The following TDRKH variants were observed in gnomAD, a reference collection of about 807,000 sequenced individuals.
The protein encoded by TDRKH is tudor and KH domain containing, also known as tudor and KH domain-containing protein.
TDRKH carries 28 observed loss-of-function variants against 61.3 expected under a neutral mutation model. The observed-to-expected ratio is 0.46, with a 90% CI of 0.34 to 0.63. The LOEUF (loss-of-function observed/expected upper bound fraction) is 0.63. Among genes scored for constraint, TDRKH ranks in the 20% least tolerant of loss-of-function variants. The pLI, the probability that TDRKH is intolerant of heterozygous loss-of-function variation, is 0.01. For missense variants in TDRKH, 540 were observed against 683.4 expected, an observed-to-expected ratio of 0.79 and a Z score of 2.34; for synonymous variants, 219 against 244.4, an observed-to-expected ratio of 0.90 and a Z score of 0.97.
chr1:151,770,484 G>C (rs1781424), downstream of TDRKH: 94 of 503,504 alleles, frequency 1.9e-4, 1 homozygote, highest in Middle Eastern at 1.1e-3. Flanking sequence ...CAGACTGAAG[G>C]AGCACTGGTG....
chr1:151,776,300 G>T (rs1416781980), intron 7 of TDRKH, 32 bp from the exon 8 acceptor site: 1 of 1,607,446 alleles, frequency 6.2e-7, no homozygotes, highest in Admixed American at 1.7e-5. Flanking sequence ...AAGGCAGAGA[G>T]TTACAAAGTG....
chr1:151,774,649 A>G (rs1486876987), intron 12 of TDRKH, 61 bp downstream of exon 12: 20 of 1,601,460 alleles, frequency 1.2e-5, no homozygotes, highest in Non-Finnish European at 1.7e-5. Context: ...CCTACTCTGG[A>G]AAGACTGAAT....
chr1:151,768,296 G>A, downstream of TDRKH: 1 of 1,550,352 alleles, frequency 6.5e-7, no homozygotes, highest in South Asian at 1.2e-5. Flanking sequence ...CTTCTATCAT[G>A]TCATAGTACA....
At chr1:151,788,641 A>G (rs1650580408) in intron 1 of TDRKH, among the ~76,000 whole-genome samples, 1 of 152,240 alleles carries the variant, frequency 6.6e-6, no homozygotes, top group South Asian at 2.1e-4. Flanking sequence ...ATAGAAAAGG[A>G]TTGATCTAAG....
In TDRKH at chr1:151,779,222, G is replaced by A. The variant is rs1004423330; in HGVS notation, c.442C>T (p.Arg148Cys). 1.2e-6 allele frequency: 2 copies of A among 1,614,044 alleles called. No individual in the cohort carries two copies. Among genetic ancestry groups the A allele is most frequent in the Admixed American group, 1.7e-5 (1 of 59,978 alleles). ...GCTCCAGATGCCTTACAGATAGAACGAATTGTCTCGCCGCCTCTCCCTACA... is the reference window on the plus strand; with the variant it reads ...GCTCCAGATGCCTTACAGATAGAACAAATTGTCTCGCCGCCTCTCCCTACA... ...RIIGRGGETI[R>C]SICKASGAKI... is the part of the protein sequence containing the mutation. The change falls in exon 5 of 13, where the codon CGT becomes TGT. Residue 148 changes from arginine (R) to cysteine (C), a missense_variant. Arg to Cys is a radical substitution (Grantham distance 180). Coordinates refer to ENST00000368824, the MANE Select transcript of TDRKH (RefSeq NM_001083965.2).
chr1:151,781,217 T>G (rs1649733728), intron 3 of TDRKH, among the ~76,000 whole-genome samples: 1 of 150,372 alleles, frequency 6.7e-6, no homozygotes, highest in Non-Finnish European at 1.5e-5. Context: ...CTCGGGAGGC[T>G]GAGGCAGGAG....
At chr1:151,775,215 C>A (rs762596831) in intron 10 of TDRKH, 49 bp from the exon 11 acceptor site, 15 of 1,601,024 alleles carry the variant, frequency 9.4e-6, no homozygotes, top group Admixed American at 6.7e-5. Context: ...TAAGCAAGGG[C>A]AAATTTGAGG....
At chr1:151,787,808 C>CA (rs71093211) in intron 1 of TDRKH, among the ~76,000 whole-genome samples, 970 of 50,594 alleles carry the variant, frequency 0.019, 37 homozygotes, top group South Asian at 0.049. Context: ...TCTGTTTCTA[C>CA]AAAAAAAAAA....
rs920637172 is a variant in TDRKH, at chr1:151,773,965, C to T, written c.*487G>A. ...AGCCTAGTAGTAATGTGAATCATGA[C>T]TGGTAGAGGGGACTGAGCCTGACGT... is the stretch of plus-strand genomic sequence containing the variant. On this transcript the variant is annotated 3_prime_UTR_variant, in exon 13 of 13. Transcript: ENST00000368824. The T allele has an allele frequency of 6.4e-6, 1 of 155,540 alleles. No individual in the cohort carries two copies. Among genetic ancestry groups the T allele is most frequent in the Admixed American group, 6.4e-5 (1 of 15,746 alleles). 9.6% of individuals were successfully genotyped at this position (155,540 alleles called of 1,614,324 possible). A position where few individuals can be genotyped will look rare whatever the true frequency, so the allele number is the denominator to read the frequency against.
chr1:151,771,847 C>T (rs1428056702), downstream of TDRKH: 3 of 398,310 alleles, frequency 7.5e-6, no homozygotes, highest in Non-Finnish European at 1.3e-5. Context: ...AAGAATGAGA[C>T]ATTACTCATT....
intron 3 of TDRKH, 98 bp from the exon 4 acceptor site, chr1:151,780,238 TAG>T: frequency 7.8e-7 from 1 of 1,275,500 alleles, no homozygotes; most frequent in Admixed American, 2.2e-5. Flanking sequence ...TAGATAGAAT[TAG>T]CCAAAGGAAT....
downstream of TDRKH, chr1:151,770,688 G>C (rs1648652370): frequency 1.7e-5 from 4 of 237,772 alleles, no homozygotes; most frequent in Non-Finnish European, 3.2e-5. Flanking sequence ...TTGGATATAA[G>C]GGATGGTGAA....
intron 3 of TDRKH, 65 bp from the exon 4 acceptor site, chr1:151,780,205 C>T (rs2101600019): frequency 6.5e-7 from 1 of 1,531,798 alleles, no homozygotes; most frequent in Non-Finnish European, 8.9e-7. Flanking sequence ...CAGCTACAGA[C>T]ACTCTAAAAC....
At chr1:151,772,937 C>T (rs1648812047), downstream of TDRKH, among the ~76,000 whole-genome samples, 1 of 152,306 alleles carries the variant, frequency 6.6e-6, no homozygotes, top group Middle Eastern at 3.4e-3. Flanking sequence ...AATCTGGGTT[C>T]ACTGCAACCT....
intron 1 of TDRKH, among the ~76,000 whole-genome samples, chr1:151,785,486 G>C (rs1247605899): frequency 1.3e-5 from 2 of 152,204 alleles, no homozygotes; most frequent in Non-Finnish European, 2.9e-5. Context: ...CTATGTGCTA[G>C]ATGCTACTGT....
intron 11 of TDRKH, 97 bp from the exon 12 acceptor site, chr1:151,774,903 G>C: frequency 1.4e-6 from 2 of 1,449,814 alleles, no homozygotes; most frequent in Non-Finnish European, 1.9e-6. Flanking sequence ...GGTTAAGGCA[G>C]TTGCATTTGG....
chr1:151,776,393 T>G (rs772952439), intron 7 of TDRKH, 46 bp downstream of exon 7: 111 of 1,605,202 alleles, frequency 6.9e-5, no homozygotes, highest in Middle Eastern at 6.6e-4. Flanking sequence ...GAAAAAGATA[T>G]GCCTTCTTTT....
downstream of TDRKH, chr1:151,767,578 C>A: frequency 2.3e-6 from 1 of 442,562 alleles, no homozygotes; most frequent in Non-Finnish European, 3.6e-6. Flanking sequence ...GCTGTTTATG[C>A]CAAGATCCTG....
At chr1:151,771,060 G>T (rs781670103), downstream of TDRKH, 1 of 1,567,292 alleles carries the variant, frequency 6.4e-7, no homozygotes, top group Non-Finnish European at 8.6e-7. Context: ...CTAATCATTT[G>T]TTCTATCCTT....
Sources: allele counts gnomAD v4.1 joint callset (sites outside exome capture counted in the v4.1 genomes callset), GRCh38; gene constraint gnomAD v4.1.1; transcripts MANE v1.5; gene names NCBI Gene and HGNC (gene_info 2026-07-23, HGNC 2026-07-21).